The following USP35 variants were observed in gnomAD, a reference collection of about 807,000 sequenced individuals.
The protein encoded by USP35 is ubiquitin specific peptidase 35.
USP35 carries 69 observed loss-of-function variants against 83.8 expected under a neutral mutation model. The observed-to-expected ratio is 0.82, with a 90% CI of 0.68 to 1.01. The LOEUF is 1.01. Among genes scored for constraint, USP35 ranks in the 50% least tolerant of loss-of-function variants. The pLI is 0.00. For missense variants in USP35, 1,503 were observed against 1,362.5 expected (o/e 1.10, Z -1.62); for synonymous variants, 714 against 589.5 (o/e 1.21, Z -3.06).
At chr11:78,234,088 CTTTT>C in the USP35 span, among the ~76,000 whole-genome samples, 12 of 152,034 alleles carry the variant, frequency 7.9e-5, no homozygotes, top group African/African-American at 2.7e-4. Context: ...CTTTTCTTTT[CTTTT>C]TATTTAAATA....
chr11:78,201,130 G>T (rs1863344908), intron 6 of USP35, among the ~76,000 whole-genome samples: 1 of 152,218 alleles, frequency 6.6e-6, no homozygotes, highest in African/African-American at 2.4e-5. Flanking sequence ...TGCTTACCTT[G>T]TAAGTCTCTG....
At chr11:78,208,654 TGCCCTGCTCA>T (rs1291973927) in intron 8 of USP35, among the ~76,000 whole-genome samples, 193 bp from the exon 9 acceptor site, 1 of 152,178 alleles carries the variant, frequency 6.6e-6, no homozygotes, top group African/African-American at 2.4e-5. Flanking sequence ...CTGAGCCCAA[TGCCCTGCTCA>T]GCCCTGCTCA....
intron 6 of USP35, among the ~76,000 whole-genome samples, chr11:78,201,588 TTC>T (rs1863361605): frequency 2.0e-5 from 3 of 152,236 alleles, no homozygotes; most frequent in African/African-American, 7.2e-5. Flanking sequence ...AAGAAAGAGT[TTC>T]TTAGAGGCCT....
chr11:78,230,325 A>G, the USP35 span, among the ~76,000 whole-genome samples: 2 of 152,050 alleles, frequency 1.3e-5, no homozygotes, highest in East Asian at 1.9e-4. Context: ...ATCCCTAAAC[A>G]TGTCCTGTGT....
At position 78,214,780 on chromosome 11, in the gene USP35, A is replaced by C. The variant is rs1159381897; in HGVS notation, c.*967A>C. ...TTTGCTCACGGGGTCTGGGGAGGCC[A>C]GGACTCAGCCTGCCCCCCAGTGACG... On this transcript the variant is annotated 3_prime_UTR_variant, in exon 11 of 11. Transcript: ENST00000529308. 6.6e-6 allele frequency: 1 copy of C among 152,284 alleles called. No homozygotes were observed. The highest frequency in any genetic ancestry group is 1.5e-5 in the Non-Finnish European group (1 of 68,100). The allele number at this position is 152,284 out of a possible 1,614,324, so 9.4% of individuals were successfully genotyped here.
At chr11:78,220,420 C>CG in the USP35 span, 1 of 1,587,346 alleles carries the variant, frequency 6.3e-7, no homozygotes. Flanking sequence ...CCACTGGGAA[C>CG]GGGAGATGCA....
intron 7 of USP35, 50 bp from the exon 8 acceptor site, chr11:78,207,480 C>A: frequency 6.3e-7 from 1 of 1,588,484 alleles, no homozygotes; most frequent in Non-Finnish European, 8.6e-7. Context: ...TGACTAGAGA[C>A]TCCTTGGGGG....
At position 78,210,265 on chromosome 11, in the gene USP35, C is replaced by T. The variant is rs745425055; in HGVS notation, c.2410C>T (p.Leu804Phe). 6 of 1,614,176 alleles carry T rather than the reference C, an allele frequency of 3.7e-6. No individual in the cohort carries two copies. The highest frequency in any genetic ancestry group is 5.1e-6 in the Non-Finnish European group (6 of 1,180,030). Residue 804 changes from leucine to phenylalanine, a missense_variant, in exon 10 of 11, where the codon CTC (leucine) becomes TTC (phenylalanine). Leu to Phe is a conservative substitution (Grantham distance 22). Transcript: ENST00000529308. ...GGAGCTGAGCCAAGGGCCGTGCTAC[C>T]TCATCCTCACACTGCTGCGCTTCTC... ...VVELSQGPCY[L>F]ILTLLRFSFD...
rs1013803262 is a variant in USP35, at chr11:78,215,112, A to G, written c.*1299A>G. Among the ~76,000 whole-genome samples, 1 of 152,202 alleles carries G rather than the reference A, an allele frequency of 6.6e-6. No individual in the cohort carries two copies. The highest frequency in any genetic ancestry group is 2.4e-5 in the African/African-American group (1 of 41,442). ...ATCTCTAGACGCCTAAGAAAGCTGG[A>G]TGGGTAAATGCTAGTATGATTTCCA... On this transcript the variant is annotated 3_prime_UTR_variant, in exon 11 of 11. Transcript: ENST00000529308.
At chr11:78,225,059 T>C in the USP35 span, 1 of 1,207,198 alleles carries the variant, frequency 8.3e-7, no homozygotes, top group East Asian at 2.3e-5. Context: ...GGTGTGACCT[T>C]TTACCTAACC....
In USP35 at chr11:78,209,659, C is replaced by A; in HGVS notation, c.1804C>A (p.Pro602Thr). Residue 602 changes from proline to threonine, a missense_variant, in exon 10 of 11, where the codon CCT becomes ACT. Coordinates refer to ENST00000529308, the MANE Select transcript of USP35 (RefSeq NM_020798.4). ...CACGGACCTCTCTCTCGCCTTCCCT[C>A]CTCCTGAGCGCTGTCGCCGCCGCCG... Reference protein sequence around the residue: ...AFTDLSLAFPPPERCRRRRLG... With the variant: ...AFTDLSLAFPTPERCRRRRLG... 6.2e-7 allele frequency: 1 copy of A among 1,614,116 alleles called. No individual in the cohort carries two copies. The highest frequency in any genetic ancestry group is 8.5e-7 in the Non-Finnish European group (1 of 1,179,966).
chr11:78,214,681 CA>C lies in USP35; in HGVS notation c.*869del, dbSNP rs1565408773. On this transcript the variant is annotated 3_prime_UTR_variant, in exon 11 of 11. Transcript: ENST00000529308. ...CGAAGACAAGACAGACACCCATGTT[CA>C]TAAATAAATAAAAGTAAGCCTAAGC... is the stretch of plus-strand genomic sequence containing the variant. The C allele has an allele frequency of 1.6e-4, 25 of 152,230 alleles. No homozygotes were observed. Among genetic ancestry groups the C allele is most frequent in the African/African-American group, 5.5e-4 (23 of 41,488 alleles). The allele number at this position is 152,230 out of a possible 1,614,324, so 9.4% of individuals were successfully genotyped here. A position where few individuals can be genotyped will look rare whatever the true frequency, so the allele number is the denominator to read the frequency against.
In USP35 at chr11:78,209,974, G is replaced by A. The variant is rs767100583; in HGVS notation, c.2119G>A (p.Glu707Lys). 2.0e-5 allele frequency: 32 copies of A among 1,612,650 alleles called. No homozygotes were observed. In the South Asian group the frequency reaches 2.7e-4, roughly 14 times the overall value. ...EESTRGEGER[E>K]KEEEVEEEEE... ...AAGCACCAGAGGGGAAGGAGAGAGGGAGAAAGAGGAGGAGGTGGAAGAGGA... is the reference window on the plus strand; with the variant it reads ...AAGCACCAGAGGGGAAGGAGAGAGGAAGAAAGAGGAGGAGGTGGAAGAGGA... The change falls in exon 10 of 11, where the codon GAG (glutamate) becomes AAG (lysine). Residue 707 changes from glutamate to lysine, a missense_variant. Coordinates refer to ENST00000529308, the MANE Select transcript of USP35 (RefSeq NM_020798.4).
Position 78,210,612 on chromosome 11 carries a change from T to C in USP35, c.2757T>C (p.Tyr919=). ...VTSFFPKDTA[Y]VLFYRQRPRE... is the part of the protein sequence containing the mutation. ...CCTTCTTCCCTAAGGACACAGCCTA[T>C]GTGCTGTTTTACCGGCAGCGGCCCA... The change falls in exon 10 of 11, where the codon TAT becomes TAC. Residue 919 remains tyrosine (Y), a synonymous_variant. Coordinates refer to ENST00000529308, the MANE Select transcript of USP35 (RefSeq NM_020798.4). 2 of 1,614,208 alleles carry C rather than the reference T, an allele frequency of 1.2e-6. No homozygotes were observed. The highest frequency in any genetic ancestry group is 3.3e-4 in the Middle Eastern group (2 of 6,060).
chr11:78,203,930 G>C (rs57400648), intron 6 of USP35, among the ~76,000 whole-genome samples: 4 of 122,910 alleles, frequency 3.3e-5, no homozygotes, highest in Non-Finnish European at 4.8e-5. Flanking sequence ...TCGCTCTGTC[G>C]TCCAGGCTGG....
intron 1 of USP35, among the ~76,000 whole-genome samples, chr11:78,194,949 G>A (rs1863099167): frequency 6.6e-6 from 1 of 152,164 alleles, no homozygotes; most frequent in South Asian, 2.1e-4. Flanking sequence ...ATTGACCCAG[G>A]CAGGGAGCTC....
At position 78,209,589 on chromosome 11, in the gene USP35, C is replaced by G; in HGVS notation, c.1734C>G (p.Ile578Met). ...KMFGGKIVTRICCLCCLNVSS... is the reference protein window; with the variant it reads ...KMFGGKIVTRMCCLCCLNVSS... ...TTGGAGGCAAGATAGTGACTCGGAT[C>G]TGCTGTCTCTGCTGCCTCAACGTCT... Residue 578 changes from isoleucine (I) to methionine (M), a missense_variant, in exon 10 of 11, where the codon ATC (isoleucine) becomes ATG (methionine). By Grantham distance (10) the Ile-to-Met change is conservative. Coordinates refer to ENST00000529308, the MANE Select transcript of USP35 (RefSeq NM_020798.4). The G allele has an allele frequency of 6.2e-7, 1 of 1,614,192 alleles. No homozygotes were observed. Among genetic ancestry groups the G allele is most frequent in the African/African-American group, 1.3e-5 (1 of 75,056 alleles).
the USP35 span, among the ~76,000 whole-genome samples, chr11:78,236,859 C>T: frequency 8.5e-5 from 13 of 152,208 alleles, no homozygotes; most frequent in African/African-American, 2.9e-4. Flanking sequence ...TGTATACACA[C>T]ATGCATATTC....
chr11:78,230,108 T>C, the USP35 span, among the ~76,000 whole-genome samples: 2 of 152,228 alleles, frequency 1.3e-5, no homozygotes, highest in Non-Finnish European at 2.9e-5. Flanking sequence ...AGGTTAATGC[T>C]TGTTGCATTA....
Sources: gnomAD v4.1 joint callset for allele counts (sites outside exome capture counted in the v4.1 genomes callset) on GRCh38, gnomAD v4.1.1 for gene constraint, MANE v1.5 for transcripts, NCBI Gene and HGNC (gene_info 2026-07-23, HGNC 2026-07-21) for gene names.